COL5A2: variants seen among roughly 807,000 people sequenced by gnomAD.
COL5A2 encodes collagen type V alpha 2 chain.
Under a neutral mutation model 208.2 loss-of-function variants are expected in COL5A2, and 23 were observed. The observed-to-expected ratio is 0.11, with a 90% CI of 0.08 to 0.16. COL5A2 has a LOEUF of 0.16. COL5A2 is among the 10% of genes least tolerant of loss of function. The pLI is 1.00. For synonymous variants in COL5A2, 625 were observed against 628.5 expected (o/e 0.99, Z 0.08); for missense variants, 1,590 against 1,956.4 (o/e 0.81, Z 3.53).
intron 50 of COL5A2, among the ~76,000 whole-genome samples, chr2:189,040,470 G>T (rs193177813): frequency 1.5e-4 from 23 of 151,854 alleles, no homozygotes; most frequent in Non-Finnish European, 2.9e-4. Flanking sequence ...TCAGCAACTT[G>T]AAAGAACCAG....
chr2:189,219,675 T>C (rs1319848696), intron 1 of COL5A2, among the ~76,000 whole-genome samples: 2 of 152,136 alleles, frequency 1.3e-5, no homozygotes, highest in Non-Finnish European at 2.9e-5. Flanking sequence ...TCTGAATGAA[T>C]GGGAAAAGCA....
chr2:189,122,874 G>A (rs1687534189), intron 1 of COL5A2, among the ~76,000 whole-genome samples: 1 of 152,202 alleles, frequency 6.6e-6, no homozygotes, highest in Non-Finnish European at 1.5e-5. Flanking sequence ...CTGGAGTTAG[G>A]AGAAACAGTA....
the COL5A2 span, among the ~76,000 whole-genome samples, chr2:189,249,805 T>A: frequency 6.6e-6 from 1 of 152,154 alleles, no homozygotes; most frequent in African/African-American, 2.4e-5. Flanking sequence ...CAACTGATTC[T>A]CCTACCTCAG....
chr2:189,384,084 G>T, the COL5A2 span, among the ~76,000 whole-genome samples: 6 of 151,780 alleles, frequency 4.0e-5, no homozygotes, highest in Non-Finnish European at 8.8e-5. Flanking sequence ...CAAATGACAG[G>T]ATTTTATTAT....
chr2:189,103,595 T>C (rs1687090192), intron 3 of COL5A2, among the ~76,000 whole-genome samples: 1 of 152,042 alleles, frequency 6.6e-6, no homozygotes. Context: ...AAAAGAACTA[T>C]CTTCGCTTCG....
chr2:189,248,823 A>G, the COL5A2 span, among the ~76,000 whole-genome samples: 577 of 152,122 alleles, frequency 3.8e-3, 2 homozygotes, highest in Non-Finnish European at 6.9e-3. Context: ...TTCTGGAACT[A>G]TCTGGCCATT....
the COL5A2 span, among the ~76,000 whole-genome samples, chr2:189,302,279 G>A: frequency 2.0e-5 from 3 of 152,160 alleles, no homozygotes; most frequent in South Asian, 6.2e-4. Flanking sequence ...TTTAAAACTC[G>A]AAAGCTTCTC....
chr2:189,320,350 A>G, the COL5A2 span, among the ~76,000 whole-genome samples: 1 of 152,144 alleles, frequency 6.6e-6, no homozygotes, highest in African/African-American at 2.4e-5. Flanking sequence ...AGAAGGCTTC[A>G]GACGATCAAA....
the COL5A2 span, among the ~76,000 whole-genome samples, chr2:189,292,028 T>G: frequency 6.6e-6 from 1 of 152,164 alleles, no homozygotes; most frequent in African/African-American, 2.4e-5. Flanking sequence ...CTTTAAGCAA[T>G]GGATAGCTCC....
intron 1 of COL5A2, among the ~76,000 whole-genome samples, chr2:189,122,716 C>A (rs559094777): frequency 1.3e-5 from 2 of 151,896 alleles, no homozygotes; most frequent in African/African-American, 2.4e-5. Flanking sequence ...ATTAAAGTGC[C>A]TGATACATGA....
the COL5A2 span, among the ~76,000 whole-genome samples, chr2:189,341,543 C>T: frequency 6.6e-6 from 1 of 152,000 alleles, no homozygotes. Flanking sequence ...CACTTAAATA[C>T]TATATAACAA....
Position 189,043,256 on chromosome 2 carries a change from T to A in COL5A2, c.3366A>T (p.Gly1122=). 1 of 1,608,544 alleles carries A rather than the reference T, an allele frequency of 6.2e-7. No homozygotes were observed. The highest frequency in any genetic ancestry group is 1.1e-5 in the South Asian group (1 of 90,910). ...CTTTGTCACCACGAGGTCCTTGGGG[T>A]CCCTAGAAATAGAGATATGGCATGA... The part of the protein sequence containing the change: ...PGRAGKRGLP[G]PQGPRGDKGD... The change falls in exon 48 of 54, where the codon GGA becomes GGT. Residue 1122 remains glycine, a splice_region_variant and synonymous_variant. Coordinates refer to ENST00000374866, the MANE Select transcript of COL5A2 (RefSeq NM_000393.5).
the COL5A2 span, among the ~76,000 whole-genome samples, chr2:189,239,625 G>A: frequency 8.6e-5 from 10 of 115,930 alleles, no homozygotes; most frequent in Non-Finnish European, 1.2e-4. Flanking sequence ...GTTGTGGGGT[G>A]GGGGGAGGGG....
the COL5A2 span, among the ~76,000 whole-genome samples, chr2:189,319,741 G>C: frequency 3.9e-5 from 6 of 152,358 alleles, no homozygotes; most frequent in African/African-American, 1.4e-4. Context: ...TCTGGGAGCA[G>C]GGCGTAGCCG....
chr2:189,305,159 T>C, the COL5A2 span, among the ~76,000 whole-genome samples: 1 of 152,202 alleles, frequency 6.6e-6, no homozygotes, highest in Non-Finnish European at 1.5e-5. Flanking sequence ...ATAATTGCTA[T>C]CCACTTGGTA....
the COL5A2 span, among the ~76,000 whole-genome samples, chr2:189,389,839 C>T: frequency 6.6e-6 from 1 of 152,096 alleles, no homozygotes; most frequent in South Asian, 2.1e-4. Context: ...CTTCTTTTGA[C>T]CTTCTAGCAT....
At chr2:189,306,960 C>A in the COL5A2 span, among the ~76,000 whole-genome samples, 1 of 152,146 alleles carries the variant, frequency 6.6e-6, no homozygotes, top group Non-Finnish European at 1.5e-5. Context: ...ATTATCCACC[C>A]ATTTCCTCAA....
chr2:189,232,321 G>A, the COL5A2 span, among the ~76,000 whole-genome samples: 30 of 151,716 alleles, frequency 2.0e-4, no homozygotes, highest in South Asian at 5.6e-3. Context: ...TGAAAATAAC[G>A]TAATAGGCCA....
At chr2:189,260,597 C>G in the COL5A2 span, among the ~76,000 whole-genome samples, 1 of 152,140 alleles carries the variant, frequency 6.6e-6, no homozygotes, top group South Asian at 2.1e-4. Context: ...ACTGCCTGTG[C>G]ACCATGACCT....
Sources: allele counts gnomAD v4.1 joint callset (sites outside exome capture counted in the v4.1 genomes callset), GRCh38; gene constraint gnomAD v4.1.1; transcripts MANE v1.5; gene names NCBI Gene and HGNC (gene_info 2026-07-23, HGNC 2026-07-21).